The following SERPINE2 variants were observed in gnomAD, a reference collection of about 807,000 sequenced individuals.
The protein encoded by SERPINE2 is glia-derived nexin.
In SERPINE2, 14 loss-of-function variants were observed where a neutral mutation model predicts 36.3. That is an observed-to-expected ratio of 0.39 (90% CI 0.25 to 0.60). The LOEUF (loss-of-function observed/expected upper bound fraction) is 0.60. Among genes scored for constraint, SERPINE2 ranks in the 20% least tolerant of loss-of-function variants. SERPINE2 has a pLI of 0.57. For missense variants in SERPINE2, 418 were observed against 499.6 expected (o/e 0.84, Z 1.56); for synonymous variants, 192 against 191.8 (o/e 1.00, Z -0.01).
Position 224,005,051 on chromosome 2 carries a change from AT to A in SERPINE2, c.-22-3130del, listed in dbSNP as rs1691344435. Among the ~76,000 whole-genome samples the A allele has an allele frequency of 3.0e-4, 7 of 23,702 alleles. 1 individual carries two copies. Among genetic ancestry groups the A allele is most frequent in the Admixed American group, 2.2e-3 (4 of 1,832 alleles). 15.5% of individuals were successfully genotyped at this position (23,702 alleles called of 152,430 possible). ...TATATAATATATAAATATATTTTAT[AT>A]ATTTTATATATATTATATATATATA... is the stretch of plus-strand genomic sequence containing the variant. On this transcript the variant is annotated intron_variant, in intron 1 of 8. Coordinates refer to ENST00000409304, the MANE Select transcript of SERPINE2 (RefSeq NM_001136528.2).
chr2:224,015,233 T>G (rs902694600), intron 1 of SERPINE2, among the ~76,000 whole-genome samples: 3 of 152,210 alleles, frequency 2.0e-5, no homozygotes, highest in Admixed American at 2.0e-4. Context: ...ATCGTCTTAT[T>G]ACTTGATATT....
intron 1 of SERPINE2, among the ~76,000 whole-genome samples, chr2:224,007,230 CCA>C (rs1360241869): frequency 3.3e-5 from 5 of 152,168 alleles, no homozygotes; most frequent in Admixed American, 6.5e-5. Context: ...TCTTCTGGGT[CCA>C]TTCATAGCTG....
rs370638545 is a variant in SERPINE2, at chr2:223,982,778, G to A, written c.888C>T (p.Phe296=). ...TCAAATCTGTTTGTGCTACAGCTGT[G>A]AACCTAGCATGAAAGCAGAAATGGA... ...PKRVQVILPK[F]TAVAQTDLKE... is the part of the protein sequence containing the mutation. The change falls in exon 6 of 9, where the codon TTC becomes TTT. Residue 296 remains phenylalanine, a synonymous_variant. Coordinates refer to ENST00000409304, the MANE Select transcript of SERPINE2 (RefSeq NM_001136528.2). 8.1e-5 allele frequency: 131 copies of A among 1,610,204 alleles called. No individual in the cohort carries two copies. The East Asian group carries it at 1.0e-3, about 13-fold the overall frequency.
At chr2:224,010,292 T>C (rs1353756922) in intron 1 of SERPINE2, 1 of 939,348 alleles carries the variant, frequency 1.1e-6, no homozygotes, top group Non-Finnish European at 1.3e-6. Context: ...GCTCATTCTA[T>C]GACACTAATT....
intron 1 of SERPINE2, among the ~76,000 whole-genome samples, chr2:224,019,728 G>A (rs1311692062): frequency 6.8e-6 from 1 of 146,854 alleles, no homozygotes; most frequent in Non-Finnish European, 1.5e-5. Context: ...AAGCAGGTAT[G>A]GTCTAAAGCA....
At position 224,036,482 on chromosome 2, in the gene SERPINE2, G is replaced by C. The variant is rs568691189; in HGVS notation, c.-23+2617C>G. ...AACATCACACACTGGGGCCTGTGGT[G>C]GGGGGCGGGGAGTGAGGTAGGGGAG... On this transcript the variant is annotated intron_variant, in intron 1 of 8. Transcript: ENST00000409304. 1.6e-4 allele frequency among the ~76,000 whole-genome samples: 25 copies of C among 151,904 alleles called. 1 individual carries two copies. In the South Asian group the frequency reaches 5.0e-3, roughly 30 times the overall value.
chr2:224,021,399 A>G (rs981754994), intron 1 of SERPINE2, among the ~76,000 whole-genome samples: 2 of 152,212 alleles, frequency 1.3e-5, no homozygotes, highest in Admixed American at 1.3e-4. Flanking sequence ...CTACATCAAG[A>G]GGGAAGCACA....
At chr2:224,022,657 A>G (rs2396036) in intron 1 of SERPINE2, among the ~76,000 whole-genome samples, 143,807 of 152,242 alleles carry the variant, frequency 0.94, 68,280 homozygotes, top group Non-Finnish European at 0.99. Context: ...AACTGACTAG[A>G]AAATTCCCTA....
chr2:224,033,509 G>C (rs1332805263), intron 1 of SERPINE2, among the ~76,000 whole-genome samples: 1 of 152,080 alleles, frequency 6.6e-6, no homozygotes, highest in African/African-American at 2.4e-5. Context: ...ACACCTTTTA[G>C]ATCATTTATT....
At chr2:224,006,528 C>T (rs891581336) in intron 1 of SERPINE2, among the ~76,000 whole-genome samples, 2 of 152,106 alleles carry the variant, frequency 1.3e-5, no homozygotes, top group Non-Finnish European at 2.9e-5. Context: ...TATAGCATTT[C>T]CTATTTGCCT....
intron 4 of SERPINE2, among the ~76,000 whole-genome samples, chr2:223,991,123 T>C (rs1222716092): frequency 6.6e-6 from 1 of 152,246 alleles, no homozygotes; most frequent in Non-Finnish European, 1.5e-5. Flanking sequence ...TCTGCTGTTT[T>C]ATATCTCGTT....
At chr2:224,019,355 A>G (rs1691910231) in intron 1 of SERPINE2, among the ~76,000 whole-genome samples, 1 of 152,250 alleles carries the variant, frequency 6.6e-6, no homozygotes, top group South Asian at 2.1e-4. Context: ...TACTGCATGT[A>G]CCAATTTTCA....
chr2:223,991,685 G>A, intron 4 of SERPINE2, 118 bp downstream of exon 4: 4 of 1,057,920 alleles, frequency 3.8e-6, no homozygotes, highest in Non-Finnish European at 5.7e-6. Context: ...ACCCTGCTCT[G>A]TTCCCCAGTT....
chr2:224,031,057 CTT>C lies in SERPINE2; in HGVS notation c.-23+8040_-23+8041del, dbSNP rs1253347926. On this transcript the variant is annotated intron_variant, in intron 1 of 8. Coordinates refer to ENST00000409304, the MANE Select transcript of SERPINE2 (RefSeq NM_001136528.2). ...TCACGCAGCACGGCGAGGAGGTAGT[CTT>C]GAAAGGAGGAGTGTGCTTTGACACA... The C allele has an allele frequency of 4.8e-3, 4,768 of 985,298 alleles. 93 individuals are homozygous for C. The African/African-American group carries it at 0.057, about 12-fold the overall frequency. The allele number at this position is 985,298 out of a possible 1,614,324, so 61.0% of individuals were successfully genotyped here.
chr2:224,005,421 T>C (rs1322780795), intron 1 of SERPINE2, among the ~76,000 whole-genome samples: 1 of 152,116 alleles, frequency 6.6e-6, no homozygotes, highest in Non-Finnish European at 1.5e-5. Flanking sequence ...GCAGAACTTC[T>C]CCTTGGCCTT....
At chr2:224,019,183 T>A (rs1444957587) in intron 1 of SERPINE2, among the ~76,000 whole-genome samples, 1 of 152,294 alleles carries the variant, frequency 6.6e-6, no homozygotes, top group South Asian at 2.1e-4. Context: ...TGTTCATAAG[T>A]ACCTATGATA....
At position 224,001,264 on chromosome 2, in the gene SERPINE2, C is replaced by A. The variant is rs117351362; in HGVS notation, c.259+378G>T. ...GAGGCCCCTGGGCCCTCCACAGCCACCCCTTCCCAGCTCCTCTCACAGGCT... is the reference window on the plus strand; with the variant it reads ...GAGGCCCCTGGGCCCTCCACAGCCAACCCTTCCCAGCTCCTCTCACAGGCT... On this transcript the variant is annotated intron_variant, in intron 2 of 8. Coordinates refer to ENST00000409304, the MANE Select transcript of SERPINE2 (RefSeq NM_001136528.2). 5.1e-4 allele frequency among the ~76,000 whole-genome samples: 78 copies of A among 152,334 alleles called. No homozygotes were observed. In the East Asian group the frequency reaches 0.015, roughly 29 times the overall value.
At chr2:223,980,221 G>T (rs926589128) in intron 7 of SERPINE2, 90 bp downstream of exon 7, 2 of 1,057,110 alleles carry the variant, frequency 1.9e-6, no homozygotes, top group Non-Finnish European at 2.9e-6. Context: ...TGGAAAGAGG[G>T]TGCATTACAT....
At chr2:224,038,546 A>G in intron 1 of SERPINE2, 1 of 1,548,398 alleles carries the variant, frequency 6.5e-7, no homozygotes, top group Non-Finnish European at 8.7e-7. Context: ...AAAATAGCAA[A>G]GACCTGCTCG....
Sources: gnomAD v4.1 joint callset for allele counts (sites outside exome capture counted in the v4.1 genomes callset) on GRCh38, gnomAD v4.1.1 for gene constraint, MANE v1.5 for transcripts, NCBI Gene and HGNC (gene_info 2026-07-23, HGNC 2026-07-21) for gene names.